The following DAPK2 variants were observed in gnomAD, a reference collection of about 807,000 sequenced individuals.
DAPK2 encodes death-associated protein kinase 2.
In DAPK2, 35 loss-of-function variants were observed where a neutral mutation model predicts 44.1. That is an observed-to-expected ratio of 0.79 (90% CI 0.61 to 1.05). The LOEUF is 1.05. Ranked by LOEUF, DAPK2 falls within the 50% of genes least tolerant of loss-of-function variation. The pLI is 0.00. For missense variants in DAPK2, 453 were observed against 483.2 expected (o/e 0.94, Z 0.59); for synonymous variants, 174 against 182.6 (o/e 0.95, Z 0.38).
chr15:64,032,588 A>T (rs780074297), intron 1 of DAPK2, among the ~76,000 whole-genome samples: 1 of 152,208 alleles, frequency 6.6e-6, no homozygotes, highest in Non-Finnish European at 1.5e-5. Context: ...CGTGTGCCAC[A>T]GTAGTTGCAA....
At chr15:64,026,143 G>A (rs940324078) in intron 1 of DAPK2, among the ~76,000 whole-genome samples, 2 of 152,198 alleles carry the variant, frequency 1.3e-5, no homozygotes, top group East Asian at 3.9e-4. Flanking sequence ...TCTGTGGAAG[G>A]CCCTGGAAGC....
chr15:64,016,428 C>T (rs979167987), intron 1 of DAPK2, among the ~76,000 whole-genome samples: 6 of 152,202 alleles, frequency 3.9e-5, no homozygotes, highest in Admixed American at 1.3e-4. Flanking sequence ...GATTTGCCCT[C>T]AGTGAGCCTC....
chr15:63,920,085 A>C (rs2079030646), intron 8 of DAPK2: 1 of 152,326 alleles, frequency 6.6e-6, no homozygotes, highest in Non-Finnish European at 1.5e-5. Context: ...CTCTGAAGTC[A>C]GGAGGCATCT....
chr15:64,022,887 C>T (rs1567280042), intron 1 of DAPK2, among the ~76,000 whole-genome samples: 1 of 152,168 alleles, frequency 6.6e-6, no homozygotes, highest in Admixed American at 6.5e-5. Flanking sequence ...GGGGGTTAGA[C>T]AGATGATATC....
Position 63,976,342 on chromosome 15 carries a change from T to C in DAPK2, c.315-4781A>G, listed in dbSNP as rs114621761. Among the ~76,000 whole-genome samples the C allele has an allele frequency of 6.3e-3, 966 of 152,346 alleles. 6 individuals carry two copies. Among genetic ancestry groups the C allele is most frequent in the African/African-American group, 0.021 (890 of 41,568 alleles). On this transcript the variant is annotated intron_variant, in intron 2 of 10. Transcript: ENST00000261891. Reference sequence around the variant, plus strand: ...AATTCTAATTTAAAAACTGAAGTGGTATAAAATATTTTCCATTAAATACAA... The same window carrying C: ...AATTCTAATTTAAAAACTGAAGTGGCATAAAATATTTTCCATTAAATACAA...
intron 3 of DAPK2, among the ~76,000 whole-genome samples, chr15:63,962,600 G>A (rs190217210): frequency 1.1e-3 from 165 of 152,366 alleles, no homozygotes; most frequent in African/African-American, 3.8e-3. Context: ...GTCTGTTGGA[G>A]TTTGCTGGAG....
chr15:63,941,691 T>G (rs1376764643), intron 3 of DAPK2, among the ~76,000 whole-genome samples: 2 of 152,182 alleles, frequency 1.3e-5, no homozygotes, highest in Non-Finnish European at 2.9e-5. Flanking sequence ...TTATTCTTCT[T>G]CCCCTCTGGA....
intron 3 of DAPK2, among the ~76,000 whole-genome samples, chr15:63,949,297 T>C (rs1247350303): frequency 6.6e-6 from 1 of 152,220 alleles, no homozygotes; most frequent in Non-Finnish European, 1.5e-5. Context: ...AAACCCTACC[T>C]GCTCTGTCTC....
chr15:63,915,861 A>T (rs1265052606), intron 8 of DAPK2, among the ~76,000 whole-genome samples: 1 of 152,210 alleles, frequency 6.6e-6, no homozygotes, highest in Non-Finnish European at 1.5e-5. Flanking sequence ...CTCAGCCTGG[A>T]AAGATGTAAA....
Position 63,964,269 on chromosome 15 carries a change from C to T in DAPK2, c.453+7154G>A, listed in dbSNP as rs1293375765. Among the ~76,000 whole-genome samples, 7 of 152,090 alleles carry T rather than the reference C, an allele frequency of 4.6e-5. 1 individual carries two copies. The highest frequency in any genetic ancestry group is 1.4e-4 in the African/African-American group (6 of 41,410). On this transcript the variant is annotated intron_variant, in intron 3 of 10. Coordinates refer to ENST00000261891, the Ensembl canonical transcript of DAPK2. Reference sequence around the variant, plus strand: ...TCCTCAGCACTTTAAATATGTCATGCCACCCTCTCCTGGCCTATAAGGTTT... The same window carrying T: ...TCCTCAGCACTTTAAATATGTCATGTCACCCTCTCCTGGCCTATAAGGTTT...
chr15:63,921,498 T>A (rs1302874288), intron 8 of DAPK2: 1 of 152,222 alleles, frequency 6.6e-6, no homozygotes, highest in Non-Finnish European at 1.5e-5. Context: ...AGCACTAGGC[T>A]CATATGCCAT....
At chr15:64,035,050 C>A (rs1029829351) in intron 1 of DAPK2, among the ~76,000 whole-genome samples, 1 of 151,968 alleles carries the variant, frequency 6.6e-6, no homozygotes, top group Non-Finnish European at 1.5e-5. Context: ...TGCCTGTAAT[C>A]CTAGCTACTC....
At chr15:63,961,699 G>A (rs547889825) in intron 3 of DAPK2, among the ~76,000 whole-genome samples, 16 of 152,296 alleles carry the variant, frequency 1.1e-4, no homozygotes, top group Non-Finnish European at 2.2e-4. Flanking sequence ...TAGGGTTTCT[G>A]CCGAGAGATC....
chr15:64,033,633 G>T (rs1317189848), intron 1 of DAPK2, among the ~76,000 whole-genome samples: 1 of 152,086 alleles, frequency 6.6e-6, no homozygotes, highest in Non-Finnish European at 1.5e-5. Flanking sequence ...CCATCGCTGG[G>T]CACAGTGGCT....
upstream of DAPK2, among the ~76,000 whole-genome samples, chr15:64,045,014 C>T (rs1259558127): frequency 6.6e-6 from 1 of 152,180 alleles, no homozygotes; most frequent in Admixed American, 6.5e-5. Flanking sequence ...AGCTGGGGCC[C>T]ACAGAAGGTC....
intron 1 of DAPK2, among the ~76,000 whole-genome samples, chr15:64,007,476 A>G (rs569245770): frequency 1.1e-4 from 17 of 151,784 alleles, no homozygotes; most frequent in Admixed American, 8.5e-4. Flanking sequence ...CCAGTAGGAA[A>G]CCTCTCCTGC....
intron 2 of DAPK2, among the ~76,000 whole-genome samples, chr15:63,977,820 G>A (rs1258266003): frequency 6.6e-6 from 1 of 152,176 alleles, no homozygotes; most frequent in South Asian, 2.1e-4. Flanking sequence ...CTAGTAAGTG[G>A]CAGGACCAGG....
intron 3 of DAPK2, among the ~76,000 whole-genome samples, chr15:63,961,095 T>C (rs893708100): frequency 6.6e-6 from 1 of 152,210 alleles, no homozygotes; most frequent in African/African-American, 2.4e-5. Flanking sequence ...CCTTTACCAT[T>C]ACGTAATGGC....
At chr15:64,040,871 A>G (rs970490706), upstream of DAPK2, among the ~76,000 whole-genome samples, 9 of 134,532 alleles carry the variant, frequency 6.7e-5, no homozygotes, top group Non-Finnish European at 1.1e-4. Flanking sequence ...CCAAGATCAC[A>G]CCACTGCACT....
Sources: allele counts gnomAD v4.1 joint callset (sites outside exome capture counted in the v4.1 genomes callset), GRCh38; gene constraint gnomAD v4.1.1; transcripts MANE v1.5; gene names NCBI Gene and HGNC (gene_info 2026-07-23, HGNC 2026-07-21).